Variants in NOS1AP observed in about 807,000 individuals in gnomAD.
The protein encoded by NOS1AP is nitric oxide synthase 1 adaptor protein, also known as carboxyl-terminal PDZ ligand of neuronal nitric oxide synthase protein.
NOS1AP carries 21 observed loss-of-function variants against 56.2 expected under a neutral mutation model. The ratio of observed to expected loss-of-function variants is 0.37; its 90% CI spans 0.26 to 0.54. The LOEUF is 0.54. NOS1AP is among the 20% of genes least tolerant of loss of function. The pLI is 0.84. For synonymous variants in NOS1AP, 270 were observed against 274.6 expected (o/e 0.98, Z 0.17); for missense variants, 522 against 657.8 (o/e 0.79, Z 2.26).
At chr1:162,149,187 G>C (rs1023283892) in intron 1 of NOS1AP, among the ~76,000 whole-genome samples, 1 of 152,250 alleles carries the variant, frequency 6.6e-6, no homozygotes, top group Non-Finnish European at 1.5e-5. Flanking sequence ...CTGTTTCAAA[G>C]TGATCAACTG....
At chr1:162,273,822 T>C (rs1368861824) in intron 2 of NOS1AP, among the ~76,000 whole-genome samples, 2 of 152,210 alleles carry the variant, frequency 1.3e-5, no homozygotes, top group African/African-American at 4.8e-5. Flanking sequence ...TTTTTATTTG[T>C]TAAAAATTTG....
At chr1:162,098,269 G>A (rs952921047) in intron 1 of NOS1AP, among the ~76,000 whole-genome samples, 1 of 8,216 alleles carries the variant, frequency 1.2e-4, no homozygotes, top group African/African-American at 1.3e-4. Context: ...ACCATGCCCG[G>A]CTATTGTTTG....
chr1:162,154,009 C>A (rs1251294079), intron 1 of NOS1AP, among the ~76,000 whole-genome samples: 1 of 145,996 alleles, frequency 6.8e-6, no homozygotes, highest in Non-Finnish European at 1.5e-5. Flanking sequence ...ATTTGCCAAT[C>A]ACTTTTGTGT....
intron 2 of NOS1AP, among the ~76,000 whole-genome samples, chr1:162,242,549 A>G (rs945747213): frequency 6.6e-6 from 1 of 152,140 alleles, no homozygotes; most frequent in African/African-American, 2.4e-5. Context: ...GGACGTCCAG[A>G]CCCATCAAAA....
chr1:162,211,331 C>T (rs979841024), intron 2 of NOS1AP, among the ~76,000 whole-genome samples: 1 of 152,198 alleles, frequency 6.6e-6, no homozygotes, highest in Non-Finnish European at 1.5e-5. Flanking sequence ...ATTCTTGCTA[C>T]GTCCTCACAT....
chr1:162,078,727 A>T (rs1210315192), intron 1 of NOS1AP, among the ~76,000 whole-genome samples: 1 of 152,204 alleles, frequency 6.6e-6, no homozygotes, highest in Admixed American at 6.5e-5. Flanking sequence ...AATTCTTAGT[A>T]TGATATTCAA....
At chr1:162,253,669 A>G (rs974067997) in intron 2 of NOS1AP, among the ~76,000 whole-genome samples, 11 of 152,354 alleles carry the variant, frequency 7.2e-5, no homozygotes, top group African/African-American at 2.6e-4. Context: ...TGATGCTGAG[A>G]TCTAAGGAAA....
chr1:162,364,056 C>A (rs1657984632), intron 8 of NOS1AP: 1 of 985,318 alleles, frequency 1.0e-6, no homozygotes, highest in Non-Finnish European at 1.2e-6. Context: ...GCCAGCAAGT[C>A]ACTTGGCCAA....
rs1162136789 is a variant in NOS1AP at position 162,177,181 on chromosome 1, T to TG, written c.177+22710dup. 2.6e-5 allele frequency among the ~76,000 whole-genome samples: 4 copies of TG among 152,224 alleles called. No individual in the cohort carries two copies. In the East Asian group the frequency reaches 7.7e-4, roughly 29 times the overall value. ...AAAAATTTTAATCCAGGAGGTGATATGGGGGAGGAGGGTGGATTATGTGAT... is the reference window on the plus strand; with the variant it reads ...AAAAATTTTAATCCAGGAGGTGATATGGGGGGAGGAGGGTGGATTATGTGAT... On this transcript the variant is annotated intron_variant, in intron 2 of 9. Coordinates refer to ENST00000361897, the MANE Select transcript of NOS1AP (RefSeq NM_014697.3).
At chr1:162,223,581 CA>C (rs199792421) in intron 2 of NOS1AP, among the ~76,000 whole-genome samples, 1,977 of 152,166 alleles carry the variant, frequency 0.013, 30 homozygotes, top group African/African-American at 0.045. Context: ...AGGTTAAGAT[CA>C]GGGGTTAATT....
At chr1:162,126,865 T>C (rs1385826345) in intron 1 of NOS1AP, among the ~76,000 whole-genome samples, 2 of 152,202 alleles carry the variant, frequency 1.3e-5, no homozygotes, top group Admixed American at 1.3e-4. Flanking sequence ...TGCTATGTAT[T>C]GCCAAACTTC....
chr1:162,296,829 G>A (rs1196490220), intron 3 of NOS1AP, among the ~76,000 whole-genome samples: 4 of 152,182 alleles, frequency 2.6e-5, no homozygotes, highest in Non-Finnish European at 4.4e-5. Context: ...ATGAACTGGC[G>A]CCCGATGCAT....
chr1:162,303,392 A>T (rs1322170678), intron 4 of NOS1AP, among the ~76,000 whole-genome samples: 1 of 152,192 alleles, frequency 6.6e-6, no homozygotes, highest in East Asian at 1.9e-4. Flanking sequence ...GTTTATTAAT[A>T]TCTCATTGTG....
At chr1:162,220,984 G>A (rs1027360461) in intron 2 of NOS1AP, among the ~76,000 whole-genome samples, 4 of 151,984 alleles carry the variant, frequency 2.6e-5, no homozygotes. Context: ...ACTCTGTCAC[G>A]AGGCTGGAGT....
At chr1:162,119,739 C>T (rs541755749) in intron 1 of NOS1AP, among the ~76,000 whole-genome samples, 29 of 152,144 alleles carry the variant, frequency 1.9e-4, no homozygotes, top group African/African-American at 6.7e-4. Flanking sequence ...ACAGCCAGGG[C>T]GAGGGAATCT....
chr1:162,261,314 C>G (rs1455168658), intron 2 of NOS1AP, among the ~76,000 whole-genome samples: 3 of 137,244 alleles, frequency 2.2e-5, no homozygotes, highest in Admixed American at 7.8e-5. Context: ...TGTTCTTAAA[C>G]AATATCCTGA....
intron 1 of NOS1AP, among the ~76,000 whole-genome samples, chr1:162,129,067 G>T (rs1648626274): frequency 6.6e-6 from 1 of 151,558 alleles, no homozygotes; most frequent in Non-Finnish European, 1.5e-5. Flanking sequence ...AAATGCATCA[G>T]TTTTTTTTTA....
intron 6 of NOS1AP, among the ~76,000 whole-genome samples, chr1:162,345,617 A>G (rs1029823083): frequency 2.0e-5 from 3 of 152,354 alleles, no homozygotes; most frequent in Middle Eastern, 3.4e-3. Context: ...TTAAAAAACA[A>G]CAAAAGAAAT....
chr1:162,154,953 A>G (rs1649874005), intron 2 of NOS1AP, among the ~76,000 whole-genome samples: 1 of 152,090 alleles, frequency 6.6e-6, no homozygotes, highest in African/African-American at 2.4e-5. Flanking sequence ...TATAATGTTT[A>G]TAATGGAAGC....
Sources: allele counts gnomAD v4.1 joint callset (sites outside exome capture counted in the v4.1 genomes callset), GRCh38; gene constraint gnomAD v4.1.1; transcripts MANE v1.5; gene names NCBI Gene and HGNC (gene_info 2026-07-23, HGNC 2026-07-21).